Variants in NELL1 observed in about 807,000 individuals in gnomAD.
The protein encoded by NELL1 is neural EGFL like 1.
NELL1 carries 76 observed loss-of-function variants against 107.4 expected under a neutral mutation model. That is an observed-to-expected ratio of 0.71 (90% CI 0.59 to 0.86). The LOEUF (loss-of-function observed/expected upper bound fraction) is 0.86, where lower values mean the gene tolerates loss of function less well. Among genes scored for constraint, NELL1 ranks in the 40% least tolerant of loss-of-function variants. NELL1 has a pLI of 0.00. For synonymous variants in NELL1, 353 were observed against 341.2 expected (o/e 1.03, Z -0.38); for missense variants, 1,024 against 1,005.5 (o/e 1.02, Z -0.25).
intron 12 of NELL1, among the ~76,000 whole-genome samples, chr11:20,961,923 A>G (rs911871230): frequency 6.6e-6 from 1 of 152,156 alleles, no homozygotes; most frequent in African/African-American, 2.4e-5. Flanking sequence ...AAGAGGATAT[A>G]TCTTATTACT....
At chr11:21,264,924 A>G in intron 14 of NELL1, among the ~76,000 whole-genome samples, 1 of 152,034 alleles carries the variant, frequency 6.6e-6, no homozygotes, top group Non-Finnish European at 1.5e-5. Context: ...ATAATAAAAC[A>G]TATGAATAGT....
intron 12 of NELL1, among the ~76,000 whole-genome samples, chr11:21,058,557 A>C (rs1853664752): frequency 6.6e-6 from 1 of 152,086 alleles, no homozygotes; most frequent in Admixed American, 6.6e-5. Context: ...GCAGAGTGAC[A>C]CTTAAGCCCC....
intron 13 of NELL1, among the ~76,000 whole-genome samples, chr11:21,165,846 T>C (rs918243545): frequency 1.4e-5 from 2 of 142,002 alleles, no homozygotes; most frequent in African/African-American, 5.4e-5. Flanking sequence ...CACTGCAACC[T>C]CTGCCTCCTG....
At position 21,182,224 on chromosome 11, in the gene NELL1, A is replaced by G. The variant is rs994222194; in HGVS notation, c.1427-47108A>G. ...CAAGGCAGGTGGATCACTTGAGGTCATGAGTTCGAGAGCAGCCTGGCCAAC... is the reference window on the plus strand; with the variant it reads ...CAAGGCAGGTGGATCACTTGAGGTCGTGAGTTCGAGAGCAGCCTGGCCAAC... On this transcript the variant is annotated intron_variant, in intron 13 of 19. Coordinates refer to ENST00000357134, the MANE Select transcript of NELL1 (RefSeq NM_006157.5). Among the ~76,000 whole-genome samples, 2 of 151,808 alleles carry G rather than the reference A, an allele frequency of 1.3e-5. 1 individual carries two copies. The highest frequency in any genetic ancestry group is 4.9e-5 in the African/African-American group (2 of 41,106).
At chr11:21,310,954 G>A (rs1188524841) in intron 14 of NELL1, among the ~76,000 whole-genome samples, 1 of 152,092 alleles carries the variant, frequency 6.6e-6, no homozygotes, top group Non-Finnish European at 1.5e-5. Context: ...AGTTGACTGA[G>A]CTTTCTTTTC....
intron 11 of NELL1, among the ~76,000 whole-genome samples, chr11:20,952,243 C>T (rs187380501): frequency 1.3e-5 from 2 of 152,206 alleles, no homozygotes; most frequent in African/African-American, 4.8e-5. Flanking sequence ...ATGTTTATGA[C>T]TTCTAGTGTT....
chr11:21,172,872 G>A (rs1357218522), intron 13 of NELL1, among the ~76,000 whole-genome samples: 1 of 151,538 alleles, frequency 6.6e-6, no homozygotes, highest in East Asian at 1.9e-4. Flanking sequence ...TTAAATGTAG[G>A]CCTTTCATGG....
rs552256832 is a variant in NELL1 at position 20,915,281 on chromosome 11, A to G, written c.604-2901A>G. ...CTCCAAAAGAAGCAAATGGTTGACA[A>G]TAAAGCAGAATTTTTCAAAGTGAGG... On this transcript the variant is annotated intron_variant, in intron 5 of 19. Transcript: ENST00000357134. Among the ~76,000 whole-genome samples, 21 of 152,046 alleles carry G rather than the reference A, an allele frequency of 1.4e-4. No individual in the cohort carries two copies. In the South Asian group the frequency reaches 2.9e-3, roughly 21 times the overall value.
intron 14 of NELL1, among the ~76,000 whole-genome samples, chr11:21,346,867 T>C (rs1194540696): frequency 3.3e-5 from 5 of 152,130 alleles, no homozygotes; most frequent in Non-Finnish European, 5.9e-5. Flanking sequence ...CCATTTACTA[T>C]GTAGATGATC....
At chr11:21,105,766 A>G (rs1399664138) in intron 12 of NELL1, among the ~76,000 whole-genome samples, 2 of 145,680 alleles carry the variant, frequency 1.4e-5, no homozygotes, top group African/African-American at 5.1e-5. Context: ...CTCCTATATC[A>G]TTACCTCTCC....
At chr11:20,688,504 T>C (rs926773960) in intron 2 of NELL1, among the ~76,000 whole-genome samples, 1 of 152,150 alleles carries the variant, frequency 6.6e-6, no homozygotes, top group Non-Finnish European at 1.5e-5. Flanking sequence ...TCTGCATTAA[T>C]TTGCTTAGGA....
At chr11:21,254,703 A>G (rs1268901869) in intron 14 of NELL1, among the ~76,000 whole-genome samples, 1 of 152,094 alleles carries the variant, frequency 6.6e-6, no homozygotes, top group Non-Finnish European at 1.5e-5. Context: ...GTGAACATTG[A>G]TGAAAAGACC....
chr11:20,885,606 A>G (rs558338168), intron 5 of NELL1, 66 bp downstream of exon 5: 2 of 990,594 alleles, frequency 2.0e-6, no homozygotes, highest in Non-Finnish European at 1.6e-6. Flanking sequence ...TGTGTTATTT[A>G]TTGGAGCCGT....
At chr11:21,264,702 G>T (rs1848602970) in intron 14 of NELL1, among the ~76,000 whole-genome samples, 1 of 151,650 alleles carries the variant, frequency 6.6e-6, no homozygotes. Flanking sequence ...AGAGACTTTT[G>T]GGGAAAACTC....
chr11:21,384,441 T>C (rs78872823), intron 15 of NELL1, among the ~76,000 whole-genome samples: 3 of 151,904 alleles, frequency 2.0e-5, no homozygotes, highest in Admixed American at 6.6e-5. Context: ...CTTTTTTTTT[T>C]ACATTTATTT....
At chr11:21,128,461 A>T (rs1002004973) in intron 13 of NELL1, among the ~76,000 whole-genome samples, 4 of 152,162 alleles carry the variant, frequency 2.6e-5, no homozygotes, top group Non-Finnish European at 5.9e-5. Flanking sequence ...AGAGACATAT[A>T]AGGCATCAGA....
chr11:20,993,723 T>C (rs553058056), intron 12 of NELL1, among the ~76,000 whole-genome samples: 1 of 152,360 alleles, frequency 6.6e-6, no homozygotes, highest in African/African-American at 2.4e-5. Context: ...ATAGTTATTA[T>C]ACTGCATTGT....
chr11:20,980,043 C>T (rs968122954), intron 12 of NELL1, among the ~76,000 whole-genome samples: 1 of 152,118 alleles, frequency 6.6e-6, no homozygotes, highest in Non-Finnish European at 1.5e-5. Context: ...ATGCATTTTT[C>T]TAAATACTCA....
chr11:21,136,855 G>A (rs1039464177), intron 13 of NELL1, among the ~76,000 whole-genome samples: 2 of 152,100 alleles, frequency 1.3e-5, no homozygotes, highest in African/African-American at 4.8e-5. Flanking sequence ...TTAAGTGGAT[G>A]TTTTCTTCAC....
Sources: allele counts gnomAD v4.1 joint callset (sites outside exome capture counted in the v4.1 genomes callset), GRCh38; gene constraint gnomAD v4.1.1; transcripts MANE v1.5; gene names NCBI Gene and HGNC (gene_info 2026-07-23, HGNC 2026-07-21).